RFX8: variants seen among roughly 807,000 people sequenced by gnomAD.
RFX8 encodes regulatory factor X8, also known as DNA-binding protein RFX8.
Under a neutral mutation model 54.6 loss-of-function variants are expected in RFX8, and 46 were observed. That is an observed-to-expected ratio of 0.84 (90% CI 0.67 to 1.08). RFX8 has a LOEUF of 1.08. RFX8 is among the 50% of genes least tolerant of loss of function. The pLI, the probability that RFX8 is intolerant of heterozygous loss-of-function variation, is 0.00. For missense variants in RFX8, 536 were observed against 562.3 expected (o/e 0.95, Z 0.47); for synonymous variants, 192 against 209.5 (o/e 0.92, Z 0.72).
chr2:101,466,502 C>A (rs1340387139), intron 2 of RFX8, among the ~76,000 whole-genome samples: 1 of 152,134 alleles, frequency 6.6e-6, no homozygotes, highest in Non-Finnish European at 1.5e-5. Context: ...ACCTGGCTCC[C>A]TGAGGAGTGC....
intron 2 of RFX8, among the ~76,000 whole-genome samples, chr2:101,435,693 T>C (rs527885883): frequency 6.6e-5 from 10 of 152,284 alleles, no homozygotes; most frequent in African/African-American, 2.4e-4. Flanking sequence ...CTCAATCTGG[T>C]TGCCAACTAA....
intron 2 of RFX8, among the ~76,000 whole-genome samples, chr2:101,440,487 G>A (rs547785443): frequency 2.0e-5 from 3 of 152,300 alleles, no homozygotes; most frequent in Non-Finnish European, 4.4e-5. Context: ...GTGCCGAGTC[G>A]CTAACGGGCT....
intron 5 of RFX8, among the ~76,000 whole-genome samples, chr2:101,417,930 A>G (rs535054287): frequency 1.1e-4 from 17 of 152,200 alleles, no homozygotes; most frequent in African/African-American, 4.1e-4. Flanking sequence ...TTGTTCTGTC[A>G]CCCAGGCTGG....
intron 2 of RFX8, among the ~76,000 whole-genome samples, chr2:101,451,739 G>A (rs1022224924): frequency 3.7e-4 from 55 of 149,864 alleles, no homozygotes; most frequent in African/African-American, 1.3e-3. Context: ...CCGCACCTCC[G>A]GAATATAATT....
At chr2:101,453,369 G>C (rs1688805380) in intron 2 of RFX8, among the ~76,000 whole-genome samples, 1 of 152,038 alleles carries the variant, frequency 6.6e-6, no homozygotes, top group Non-Finnish European at 1.5e-5. Context: ...CAGGCATGGT[G>C]ACTCATGCCT....
chr2:101,464,761 CTT>C (rs905343006), intron 2 of RFX8, among the ~76,000 whole-genome samples: 1 of 152,140 alleles, frequency 6.6e-6, no homozygotes, highest in Non-Finnish European at 1.5e-5. Flanking sequence ...ACTGGAGTCT[CTT>C]TAACTTTTTT....
intron 2 of RFX8, among the ~76,000 whole-genome samples, chr2:101,449,213 GA>G (rs1347515697): frequency 6.6e-6 from 1 of 152,192 alleles, no homozygotes; most frequent in Non-Finnish European, 1.5e-5. Flanking sequence ...GGAGTCAGAA[GA>G]AACTTGGCTA....
intron 2 of RFX8, among the ~76,000 whole-genome samples, chr2:101,452,913 T>A (rs1044242664): frequency 2.0e-5 from 3 of 151,844 alleles, no homozygotes; most frequent in African/African-American, 7.3e-5. Context: ...GAGACCATCC[T>A]GGCCAACATG....
Position 101,410,391 on chromosome 2 carries a change from T to TCTCA in RFX8, c.813+227_813+228insTGAG, listed in dbSNP as rs878949936. Among the ~76,000 whole-genome samples the TCTCA allele has an allele frequency of 3.8e-4, 46 of 119,618 alleles. No homozygotes were observed. The South Asian group carries it at 8.9e-3, about 23-fold the overall frequency. The allele number at this position is 119,618 out of a possible 152,430, so 78.5% of individuals were successfully genotyped here. On this transcript the variant is annotated intron_variant, in intron 9 of 11. Coordinates refer to ENST00000428343, the MANE Select transcript of RFX8 (RefSeq NM_001145664.2). ...CACACACCCAAACATATGCCCACAC[T>TCTCA]CACACACACACACACACACACACAC...
intron 9 of RFX8, among the ~76,000 whole-genome samples, chr2:101,408,986 G>T (rs1042308392): frequency 2.6e-5 from 4 of 152,238 alleles, no homozygotes; most frequent in African/African-American, 9.6e-5. Context: ...GGCCCTCGGA[G>T]TCTTTGCTCT....
At chr2:101,454,633 T>G (rs547480991) in intron 2 of RFX8, among the ~76,000 whole-genome samples, 1 of 152,362 alleles carries the variant, frequency 6.6e-6, no homozygotes, top group Non-Finnish European at 1.5e-5. Context: ...TGATTTGCAT[T>G]TCTCTGATAA....
chr2:101,474,217 C>T, intron 1 of RFX8: 1 of 585,318 alleles, frequency 1.7e-6, no homozygotes, highest in East Asian at 3.9e-5. Context: ...GATGACGCCG[C>T]TGTGCGGGCC....
At chr2:101,422,255 A>G (rs1284387185) in intron 3 of RFX8, 107 bp downstream of exon 3, 2 of 677,816 alleles carry the variant, frequency 3.0e-6, no homozygotes, top group South Asian at 1.8e-5. Flanking sequence ...AAAGGCAAAC[A>G]TTATTCCATG....
At position 101,397,724 on chromosome 2, in the gene RFX8, G is replaced by C; in HGVS notation, c.1246C>G (p.Leu416Val). The C allele has an allele frequency of 1.3e-6, 2 of 1,545,150 alleles. No homozygotes were observed. Among genetic ancestry groups the C allele is most frequent in the Middle Eastern group, 1.7e-4 (1 of 5,944 alleles). Residue 416 changes from leucine (L) to valine (V), a missense_variant and splice_region_variant, in exon 12 of 12, where the codon CTC becomes GTC. Coordinates refer to ENST00000428343, the MANE Select transcript of RFX8 (RefSeq NM_001145664.2). ...FLVDTAMGNK[L>V]IQVLLEDETT... ...TCATCTTCCAACAGCACCTGGATGA[G>C]CTGCAAGAGGGAAATGTTTTAAGGG...
intron 11 of RFX8, among the ~76,000 whole-genome samples, chr2:101,399,133 CA>C (rs1165645610): frequency 6.6e-6 from 1 of 152,214 alleles, no homozygotes; most frequent in African/African-American, 2.4e-5. Flanking sequence ...ATGGGTATGG[CA>C]ATCCGGAATG....
chr2:101,401,618 G>GT (rs1397198430), intron 11 of RFX8, among the ~76,000 whole-genome samples: 1 of 151,962 alleles, frequency 6.6e-6, no homozygotes, highest in Non-Finnish European at 1.5e-5. Flanking sequence ...ATCGCTGTCA[G>GT]TTTTTTTTAA....
chr2:101,424,047 C>T (rs138098146), intron 2 of RFX8, among the ~76,000 whole-genome samples: 170 of 152,264 alleles, frequency 1.1e-3, no homozygotes, highest in African/African-American at 3.9e-3. Flanking sequence ...GAAGATGCCA[C>T]GTTAAAACTT....
At chr2:101,409,368 G>T (rs993859383) in intron 9 of RFX8, among the ~76,000 whole-genome samples, 2 of 152,034 alleles carry the variant, frequency 1.3e-5, no homozygotes, top group Non-Finnish European at 2.9e-5. Flanking sequence ...GACTACAGGC[G>T]CATGACATCA....
intron 2 of RFX8, among the ~76,000 whole-genome samples, chr2:101,443,433 G>A (rs1388934125): frequency 6.6e-6 from 1 of 152,122 alleles, no homozygotes; most frequent in African/African-American, 2.4e-5. Flanking sequence ...TAGTAATATT[G>A]GTTCCTAATG....
Sources: gnomAD v4.1 joint callset for allele counts (sites outside exome capture counted in the v4.1 genomes callset) on GRCh38, gnomAD v4.1.1 for gene constraint, MANE v1.5 for transcripts, NCBI Gene and HGNC (gene_info 2026-07-23, HGNC 2026-07-21) for gene names.